Variants in FOCAD observed in about 807,000 individuals in gnomAD.
FOCAD encodes the protein KIAA1797.
A neutral mutation model predicts 225.6 loss-of-function variants in FOCAD; 198 were observed. That is an observed-to-expected ratio of 0.88 (90% CI 0.78 to 0.99). FOCAD has a LOEUF of 0.99. Among genes scored for constraint, FOCAD ranks in the 50% least tolerant of loss-of-function variants. The pLI is 0.00. For missense variants in FOCAD, 2,713 were observed against 2,123.6 expected, an observed-to-expected ratio of 1.28 and a Z score of -5.46; for synonymous variants, 897 against 755.0, an observed-to-expected ratio of 1.19 and a Z score of -3.08.
At chr9:20,689,539 A>G (rs569652981) in intron 1 of FOCAD, among the ~76,000 whole-genome samples, 16 of 152,302 alleles carry the variant, frequency 1.1e-4, no homozygotes, top group Admixed American at 5.9e-4. Flanking sequence ...GGTGGGGGCC[A>G]CCAAAGAAGG....
At chr9:20,897,341 T>C (rs777580692) in intron 21 of FOCAD, among the ~76,000 whole-genome samples, 12 of 151,776 alleles carry the variant, frequency 7.9e-5, no homozygotes, top group Non-Finnish European at 1.6e-4. Flanking sequence ...TTTGATCTAC[T>C]TTGACAATCT....
chr9:20,686,231 A>G (rs1822656963), intron 1 of FOCAD, among the ~76,000 whole-genome samples: 1 of 152,198 alleles, frequency 6.6e-6, no homozygotes, highest in Admixed American at 6.5e-5. Flanking sequence ...ATCTCGGCTC[A>G]CTGCAACCTC....
intron 7 of FOCAD, among the ~76,000 whole-genome samples, chr9:20,768,063 C>A (rs1830211743): frequency 6.7e-6 from 1 of 150,346 alleles, no homozygotes; most frequent in Non-Finnish European, 1.5e-5. Context: ...GTTTTCCCAG[C>A]ACCATTTATT....
At chr9:20,986,266 A>ATTTTTTGTTTTTTTTT in intron 39 of FOCAD, 22 bp from the exon 40 acceptor site, 1 of 705,686 alleles carries the variant, frequency 1.4e-6, no homozygotes. Flanking sequence ...TAACTAAACA[A>ATTTTTTGTTTTTTTTT]TTTTTTTTTT....
intron 15 of FOCAD, among the ~76,000 whole-genome samples, chr9:20,860,850 A>AT (rs1386684774): frequency 6.6e-6 from 1 of 152,124 alleles, no homozygotes; most frequent in Non-Finnish European, 1.5e-5. Flanking sequence ...ATTGTTTTGT[A>AT]TTTCTTAACT....
At chr9:20,751,544 A>G (rs1375505895) in intron 5 of FOCAD, among the ~76,000 whole-genome samples, 1 of 95,554 alleles carries the variant, frequency 1.0e-5, no homozygotes, top group African/African-American at 3.4e-5. Flanking sequence ...CATTTTCTTA[A>G]TCCAGTCTAT....
intron 18 of FOCAD, among the ~76,000 whole-genome samples, chr9:20,872,570 C>T (rs908215908): frequency 1.2e-4 from 18 of 148,678 alleles, no homozygotes; most frequent in African/African-American, 3.5e-4. Context: ...ACATACCTTC[C>T]TCCCTCCCTC....
In FOCAD at chr9:20,723,820, T is replaced by C. The variant is rs543576650; in HGVS notation, c.287+3286T>C. Reference sequence around the variant, plus strand: ...TAAAGAAATACCTAAGGCTGGGTAATTTATAAAGAAAAGTGGTTTATTTTG... The same window carrying C: ...TAAAGAAATACCTAAGGCTGGGTAACTTATAAAGAAAAGTGGTTTATTTTG... On this transcript the variant is annotated intron_variant, in intron 4 of 43. Coordinates refer to ENST00000338382, the MANE Select transcript of FOCAD (RefSeq NM_001375567.1). 6.6e-5 allele frequency among the ~76,000 whole-genome samples: 10 copies of C among 152,322 alleles called. 1 individual carries two copies. The highest frequency in any genetic ancestry group is 1.7e-4 in the African/African-American group (7 of 41,556).
chr9:20,886,115 A>G (rs1410641365), intron 21 of FOCAD, among the ~76,000 whole-genome samples: 1 of 152,190 alleles, frequency 6.6e-6, no homozygotes, highest in African/African-American at 2.4e-5. Flanking sequence ...AGCACAGCAA[A>G]ATTCAGAGGG....
chr9:20,786,025 C>G (rs1380807266), intron 10 of FOCAD, among the ~76,000 whole-genome samples: 1 of 152,168 alleles, frequency 6.6e-6, no homozygotes, highest in African/African-American at 2.4e-5. Flanking sequence ...ACTTATTTTA[C>G]AAGCCGGGAA....
In FOCAD at chr9:20,916,911, TG is replaced by T; in HGVS notation, c.2827del (p.Asp943MetfsTer13). Reference sequence around the variant, plus strand: ...ATTGCAGGGTTAGAGACATGCTGACTGATGAGATCACCAAGGCAGCTGCAAA... The same window carrying T: ...ATTGCAGGGTTAGAGACATGCTGACTATGAGATCACCAAGGCAGCTGCAAA... The part of the protein sequence containing the change: ...AWLWVRDMLT[D>X]EITKAAAKES... On this transcript the variant is annotated frameshift_variant, in exon 24 of 44. Coordinates refer to ENST00000338382, the MANE Select transcript of FOCAD (RefSeq NM_001375567.1). LOFTEE classifies it high-confidence loss of function. 2 of 1,606,364 alleles carry T rather than the reference TG, an allele frequency of 1.2e-6. No individual in the cohort carries two copies. The highest frequency in any genetic ancestry group is 1.1e-5 in the South Asian group (1 of 88,946).
chr9:20,949,242 C>A (rs1379110561), intron 32 of FOCAD, among the ~76,000 whole-genome samples: 1 of 152,150 alleles, frequency 6.6e-6, no homozygotes, highest in African/African-American at 2.4e-5. Flanking sequence ...GCAAGAAACT[C>A]CATTTTGCAT....
At chr9:20,699,788 A>G (rs1292134044) in intron 1 of FOCAD, among the ~76,000 whole-genome samples, 3 of 95,464 alleles carry the variant, frequency 3.1e-5, no homozygotes, top group Non-Finnish European at 6.1e-5. Context: ...ATATATATAT[A>G]TATATATATA....
At chr9:20,963,064 C>A (rs563815474) in intron 35 of FOCAD, among the ~76,000 whole-genome samples, 1 of 152,256 alleles carries the variant, frequency 6.6e-6, no homozygotes, top group African/African-American at 2.4e-5. Flanking sequence ...TTCTCAATTT[C>A]CAACAGCTAC....
upstream of FOCAD, chr9:20,684,147 CG>C (rs1488301647): frequency 2.6e-5 from 4 of 152,356 alleles, no homozygotes; most frequent in East Asian, 5.8e-4. Flanking sequence ...CCGGGGAGGG[CG>C]GGCCCCAGCC....
At chr9:20,879,157 T>G (rs1324777276) in intron 19 of FOCAD, among the ~76,000 whole-genome samples, 15 of 152,172 alleles carry the variant, frequency 9.9e-5, no homozygotes, top group Non-Finnish European at 2.2e-4. Flanking sequence ...ACACTTAAGT[T>G]CACAAGTTCA....
At chr9:20,709,626 C>T (rs1824670245) in intron 1 of FOCAD, among the ~76,000 whole-genome samples, 1 of 151,692 alleles carries the variant, frequency 6.6e-6, no homozygotes. Flanking sequence ...TAGAAAAGGC[C>T]AATGTTTGTG....
chr9:20,699,737 C>CAA (rs71334546), intron 1 of FOCAD, among the ~76,000 whole-genome samples: 3 of 40,568 alleles, frequency 7.4e-5, no homozygotes, highest in Non-Finnish European at 1.1e-4. Flanking sequence ...GACTCCGTCT[C>CAA]AAAAAAAAAA....
intron 15 of FOCAD, among the ~76,000 whole-genome samples, chr9:20,833,202 G>C (rs1825681764): frequency 6.6e-6 from 1 of 151,972 alleles, no homozygotes; most frequent in African/African-American, 2.4e-5. Flanking sequence ...TAAAGGGTGT[G>C]AGGTGATATC....
Sources: allele counts gnomAD v4.1 joint callset (sites outside exome capture counted in the v4.1 genomes callset), GRCh38; gene constraint gnomAD v4.1.1; transcripts MANE v1.5; gene names NCBI Gene and HGNC (gene_info 2026-07-23, HGNC 2026-07-21).